SPATS2L: variants seen among roughly 807,000 people sequenced by gnomAD.
SPATS2L encodes the protein spermatogenesis associated serine rich 2 like.
In SPATS2L, 30 loss-of-function variants were observed where a neutral mutation model predicts 59.6. The observed-to-expected ratio is 0.50, with a 90% CI of 0.38 to 0.68. SPATS2L has a LOEUF of 0.68. Ranked by LOEUF, SPATS2L falls within the 30% of genes least tolerant of loss-of-function variation. SPATS2L has a pLI of 0.00. For missense variants in SPATS2L, 615 were observed against 700.0 expected, an observed-to-expected ratio of 0.88 and a Z score of 1.37; for synonymous variants, 252 against 263.5, an observed-to-expected ratio of 0.96 and a Z score of 0.42.
intron 8 of SPATS2L, among the ~76,000 whole-genome samples, chr2:200,444,858 T>C (rs1015990929): frequency 6.6e-6 from 1 of 152,114 alleles, no homozygotes. Context: ...TAGGTGTTTA[T>C]AGTGGTGTCT....
intron 10 of SPATS2L, among the ~76,000 whole-genome samples, chr2:200,468,462 A>G (rs2086784036): frequency 6.6e-6 from 1 of 151,746 alleles, no homozygotes; most frequent in Non-Finnish European, 1.5e-5. Context: ...TAAGATTGCA[A>G]ATTGGGGCAT....
chr2:200,473,961 C>T (rs929334888), intron 12 of SPATS2L, among the ~76,000 whole-genome samples: 2 of 152,002 alleles, frequency 1.3e-5, no homozygotes, highest in African/African-American at 2.4e-5. Context: ...GATCGCACCA[C>T]TGCCCTTCAG....
At chr2:200,418,628 T>C (rs2083173868) in intron 5 of SPATS2L, among the ~76,000 whole-genome samples, 1 of 149,180 alleles carries the variant, frequency 6.7e-6, no homozygotes, top group Admixed American at 6.7e-5. Context: ...ATCATGGGGA[T>C]GATTATGGAT....
chr2:200,453,523 T>G (rs1468437403), intron 8 of SPATS2L, among the ~76,000 whole-genome samples: 2 of 152,294 alleles, frequency 1.3e-5, no homozygotes, highest in African/African-American at 4.8e-5. Context: ...GAACAGTACA[T>G]TAGGCCTTAA....
chr2:200,360,464 C>T (rs1164205299), intron 2 of SPATS2L, among the ~76,000 whole-genome samples: 1 of 152,214 alleles, frequency 6.6e-6, no homozygotes, highest in Non-Finnish European at 1.5e-5. Context: ...CTGTCCTCCC[C>T]AACCAGGGGC....
chr2:200,368,381 A>G (rs2081326621), intron 2 of SPATS2L, among the ~76,000 whole-genome samples: 1 of 152,184 alleles, frequency 6.6e-6, no homozygotes, highest in Non-Finnish European at 1.5e-5. Flanking sequence ...GTGATGAGAG[A>G]CTTAAGCTCT....
In SPATS2L at chr2:200,414,598, C is replaced by T. The variant is rs563230239; in HGVS notation, c.149-1781C>T. ...TGAGCCATGTTTGCACCACTGCACT[C>T]CAGCCTGGGCAACAGTGTGAGACCC... On this transcript the variant is annotated intron_variant, in intron 4 of 12. Coordinates refer to ENST00000409140, the MANE Select transcript of SPATS2L (RefSeq NM_001100423.2). 1.6e-4 allele frequency among the ~76,000 whole-genome samples: 25 copies of T among 152,068 alleles called. No individual in the cohort carries two copies. In the South Asian group the frequency reaches 5.2e-3, roughly 32 times the overall value.
chr2:200,330,132 T>A (rs1263135060), intron 2 of SPATS2L, among the ~76,000 whole-genome samples: 1 of 152,154 alleles, frequency 6.6e-6, no homozygotes, highest in African/African-American at 2.4e-5. Context: ...ATTATACCCA[T>A]CTTGCAGAAT....
intron 11 of SPATS2L, among the ~76,000 whole-genome samples, chr2:200,471,519 C>T (rs2087036725): frequency 6.6e-6 from 1 of 152,134 alleles, no homozygotes; most frequent in Non-Finnish European, 1.5e-5. Context: ...TACTAAATTC[C>T]AGGTGTCCAT....
chr2:200,428,088 G>C (rs529885164), intron 6 of SPATS2L, among the ~76,000 whole-genome samples: 85 of 151,250 alleles, frequency 5.6e-4, no homozygotes, highest in Non-Finnish European at 1.0e-3. Flanking sequence ...AAAAAAAGGA[G>C]TTTTCTTGAG....
intron 6 of SPATS2L, among the ~76,000 whole-genome samples, chr2:200,432,420 C>T (rs2106068343): frequency 6.7e-6 from 1 of 150,134 alleles, no homozygotes; most frequent in East Asian, 2.0e-4. Context: ...CTCTTCCATC[C>T]CCCAACTTGT....
intron 1 of SPATS2L, among the ~76,000 whole-genome samples, chr2:200,314,851 A>T (rs956940908): frequency 3.0e-4 from 46 of 152,328 alleles, no homozygotes; most frequent in African/African-American, 9.9e-4. Flanking sequence ...AAAATGTAAA[A>T]TTTCTTATTT....
chr2:200,339,375 C>T (rs776204675), intron 2 of SPATS2L, among the ~76,000 whole-genome samples: 22 of 152,000 alleles, frequency 1.4e-4, no homozygotes, highest in Admixed American at 2.6e-4. Context: ...AAGGGATATC[C>T]TTTAATACAT....
chr2:200,362,521 C>G (rs1311471450), intron 2 of SPATS2L, among the ~76,000 whole-genome samples: 2 of 152,144 alleles, frequency 1.3e-5, no homozygotes, highest in African/African-American at 4.8e-5. Flanking sequence ...GGAAGCACAC[C>G]CTTTCCTTTT....
chr2:200,355,072 A>G (rs2080868543), intron 2 of SPATS2L, among the ~76,000 whole-genome samples: 1 of 152,142 alleles, frequency 6.6e-6, no homozygotes. Context: ...GTAGACATAA[A>G]AGGCCGCCCT....
intron 8 of SPATS2L, among the ~76,000 whole-genome samples, chr2:200,441,416 A>G (rs4674068): frequency 0.45 from 68,683 of 152,094 alleles, 15,580 homozygotes; most frequent in East Asian, 0.58. Context: ...TCAGCGTATC[A>G]GTTAGGTCTC....
At chr2:200,416,460 A>G in intron 5 of SPATS2L, 32 bp downstream of exon 5, 1 of 1,237,824 alleles carries the variant, frequency 8.1e-7, no homozygotes, top group South Asian at 1.7e-5. Context: ...AATTGGTAAC[A>G]TCTTCAATCA....
rs151259470 is a variant in SPATS2L, at chr2:200,478,059, T to G, written c.*28T>G. On this transcript the variant is annotated 3_prime_UTR_variant, in exon 13 of 13. Transcript: ENST00000409140. ...TAGGAGGAAAAAGAGCAGTTTTCAC[T>G]CAGTTTTGGTTCCCTGCCCGAGGTG... 2,506 of 1,517,880 alleles carry G rather than the reference T, an allele frequency of 1.7e-3. 35 individuals are homozygous for G. The African/African-American group carries it at 0.03, about 18-fold the overall frequency. The allele number at this position is 1,517,880 out of a possible 1,614,324, so 94.0% of individuals were successfully genotyped here. A position where few individuals can be genotyped will look rare whatever the true frequency, so the allele number is the denominator to read the frequency against.
In SPATS2L at chr2:200,439,279, C is replaced by A; in HGVS notation, c.603C>A (p.Thr201=). 1 of 1,613,652 alleles carries A rather than the reference C, an allele frequency of 6.2e-7. No individual in the cohort carries two copies. Among genetic ancestry groups the A allele is most frequent in the South Asian group, 1.1e-5 (1 of 91,078 alleles). ...KAKTSPVKSN[T]PAAHLEIKPD... is the part of the protein sequence containing the mutation. ...AAACATCTCCTGTTAAGTCCAATAC[C>A]CCTGCAGCTCATCTTGAAATAAAGC... Residue 201 remains threonine, a synonymous_variant, in exon 7 of 13, where the codon ACC becomes ACA. Coordinates refer to ENST00000409140, the MANE Select transcript of SPATS2L (RefSeq NM_001100423.2).
Sources: gnomAD v4.1 joint callset for allele counts (sites outside exome capture counted in the v4.1 genomes callset) on GRCh38, gnomAD v4.1.1 for gene constraint, MANE v1.5 for transcripts, NCBI Gene and HGNC (gene_info 2026-07-23, HGNC 2026-07-21) for gene names.